SLC24A3: variants seen among roughly 807,000 people sequenced by gnomAD.
SLC24A3 encodes sodium/potassium/calcium exchanger 3.
Under a neutral mutation model 75.8 loss-of-function variants are expected in SLC24A3, and 28 were observed. The ratio of observed to expected loss-of-function variants is 0.37; its 90% CI spans 0.27 to 0.51. The LOEUF is 0.51. SLC24A3 is among the 20% of genes least tolerant of loss of function. The pLI, the probability that SLC24A3 is intolerant of heterozygous loss-of-function variation, is 0.94. For missense variants in SLC24A3, 663 were observed against 847.8 expected, an observed-to-expected ratio of 0.78 and a Z score of 2.71; for synonymous variants, 372 against 334.1, an observed-to-expected ratio of 1.11 and a Z score of -1.24.
chr20:19,634,597 C>G (rs2031976756), intron 6 of SLC24A3, among the ~76,000 whole-genome samples: 1 of 152,096 alleles, frequency 6.6e-6, no homozygotes. Flanking sequence ...TATTGATACA[C>G]ATAACTTAAA....
intron 2 of SLC24A3, among the ~76,000 whole-genome samples, chr20:19,449,401 C>T (rs533632720): frequency 5.3e-4 from 80 of 152,328 alleles, no homozygotes; most frequent in Non-Finnish European, 7.8e-4. Context: ...CCCCACGTGG[C>T]GCCCAAGCTC....
chr20:19,689,406 T>G (rs2032719858), intron 12 of SLC24A3, among the ~76,000 whole-genome samples: 1 of 152,216 alleles, frequency 6.6e-6, no homozygotes, highest in South Asian at 2.1e-4. Flanking sequence ...ACTATCATGC[T>G]TACGGGCCAG....
At chr20:19,596,917 G>A (rs867982813) in intron 6 of SLC24A3, among the ~76,000 whole-genome samples, 35 of 152,112 alleles carry the variant, frequency 2.3e-4, no homozygotes, top group Middle Eastern at 6.8e-3. Context: ...CCCTTTCCCC[G>A]CCCATCTTAG....
chr20:19,250,873 T>C (rs957815019), intron 1 of SLC24A3, among the ~76,000 whole-genome samples: 2 of 152,214 alleles, frequency 1.3e-5, no homozygotes, highest in Non-Finnish European at 2.9e-5. Flanking sequence ...GAAATTGTTA[T>C]CTTCATTTTC....
chr20:19,315,428 G>C (rs368500433), intron 2 of SLC24A3, among the ~76,000 whole-genome samples: 2 of 152,194 alleles, frequency 1.3e-5, no homozygotes, highest in South Asian at 2.1e-4. Flanking sequence ...GCACCAAATA[G>C]GAATGGAATG....
At chr20:19,316,408 G>A (rs570990467) in intron 2 of SLC24A3, among the ~76,000 whole-genome samples, 1 of 152,352 alleles carries the variant, frequency 6.6e-6, no homozygotes, top group South Asian at 2.1e-4. Context: ...CTGGGTCAGG[G>A]TGTAGGCTGA....
chr20:19,516,845 G>A (rs1324919768), intron 3 of SLC24A3, among the ~76,000 whole-genome samples: 1 of 152,232 alleles, frequency 6.6e-6, no homozygotes, highest in African/African-American at 2.4e-5. Flanking sequence ...GCTGGAGCAG[G>A]TCAGCAGGCA....
intron 2 of SLC24A3, among the ~76,000 whole-genome samples, chr20:19,396,124 T>C (rs995367309): frequency 2.0e-5 from 3 of 150,016 alleles, no homozygotes; most frequent in South Asian, 4.2e-4. Flanking sequence ...GTTACCAATA[T>C]CCTCGTTACC....
At chr20:19,656,921 C>A (rs770635360) in intron 7 of SLC24A3, among the ~76,000 whole-genome samples, 1 of 152,148 alleles carries the variant, frequency 6.6e-6, no homozygotes, top group Non-Finnish European at 1.5e-5. Flanking sequence ...TTGTTAATGA[C>A]GTGTGAATAA....
chr20:19,295,801 G>A (rs1194724199), intron 2 of SLC24A3, among the ~76,000 whole-genome samples: 5 of 151,796 alleles, frequency 3.3e-5, no homozygotes, highest in Admixed American at 6.6e-5. Context: ...AGGGATATTG[G>A]CCTTAAGTTT....
chr20:19,616,359 A>G (rs191211789), intron 6 of SLC24A3, among the ~76,000 whole-genome samples: 1 of 152,278 alleles, frequency 6.6e-6, no homozygotes, highest in East Asian at 1.9e-4. Flanking sequence ...CCTTGCAGGG[A>G]GTTTGTGTGT....
At chr20:19,711,726 G>A (rs2032995852) in intron 15 of SLC24A3, among the ~76,000 whole-genome samples, 1 of 150,658 alleles carries the variant, frequency 6.6e-6, no homozygotes, top group African/African-American at 2.4e-5. Context: ...TGCAACCTCC[G>A]CTTCCAAGGT....
intron 2 of SLC24A3, among the ~76,000 whole-genome samples, chr20:19,482,834 C>T (rs1307950236): frequency 6.6e-6 from 1 of 152,214 alleles, no homozygotes; most frequent in East Asian, 1.9e-4. Flanking sequence ...AGTTTGAGGA[C>T]ACCACAAGCA....
chr20:19,303,414 A>G (rs1397649227), intron 2 of SLC24A3, among the ~76,000 whole-genome samples: 1 of 152,140 alleles, frequency 6.6e-6, no homozygotes, highest in Non-Finnish European at 1.5e-5. Context: ...TCTACCGTTG[A>G]TGGGCATTTA....
intron 8 of SLC24A3, among the ~76,000 whole-genome samples, chr20:19,672,800 C>T (rs1431505058): frequency 1.3e-5 from 2 of 152,146 alleles, no homozygotes; most frequent in African/African-American, 4.8e-5. Context: ...CCAAATATTT[C>T]TCTAGGATCA....
intron 1 of SLC24A3, among the ~76,000 whole-genome samples, chr20:19,235,638 A>G (rs879778067): frequency 6.6e-6 from 1 of 151,930 alleles, no homozygotes; most frequent in Non-Finnish European, 1.5e-5. Flanking sequence ...TTGTACTTGC[A>G]CCTTCTGGCT....
At chr20:19,398,484 A>G (rs1986495697) in intron 2 of SLC24A3, among the ~76,000 whole-genome samples, 1 of 152,080 alleles carries the variant, frequency 6.6e-6, no homozygotes. Flanking sequence ...TTAATTATTC[A>G]TTGTTAGCAT....
chr20:19,301,667 G>C (rs976465293), intron 2 of SLC24A3, among the ~76,000 whole-genome samples: 15 of 152,148 alleles, frequency 9.9e-5, no homozygotes, highest in African/African-American at 3.6e-4. Flanking sequence ...TTTGAGGTCA[G>C]CTATTAAGTT....
At chr20:19,325,292 A>G (rs546976676) in intron 2 of SLC24A3, among the ~76,000 whole-genome samples, 1 of 151,732 alleles carries the variant, frequency 6.6e-6, no homozygotes, top group Admixed American at 6.6e-5. Flanking sequence ...TAATATTAAT[A>G]ATAATTACCT....
Sources: gnomAD v4.1 joint callset for allele counts (sites outside exome capture counted in the v4.1 genomes callset) on GRCh38, gnomAD v4.1.1 for gene constraint, MANE v1.5 for transcripts, NCBI Gene and HGNC (gene_info 2026-07-23, HGNC 2026-07-21) for gene names.